ZNF804B: variants seen among roughly 807,000 people sequenced by gnomAD.
The protein encoded by ZNF804B is zinc finger protein 804B.
In ZNF804B, 80 loss-of-function variants were observed where a neutral mutation model predicts 101.4. The observed-to-expected ratio is 0.79, with a 90% confidence interval of 0.66 to 0.95. The LOEUF (loss-of-function observed/expected upper bound fraction) is 0.95. Among genes scored for constraint, ZNF804B ranks in the 40% least tolerant of loss-of-function variants. The pLI is 0.00. For missense variants in ZNF804B, 1,673 were observed against 1,561.9 expected (o/e 1.07, Z -1.20); for synonymous variants, 622 against 558.8 (o/e 1.11, Z -1.59).
intron 1 of ZNF804B, among the ~76,000 whole-genome samples, chr7:88,824,998 G>A (rs955802956): frequency 2.0e-5 from 3 of 152,038 alleles, no homozygotes; most frequent in African/African-American, 2.4e-5. Context: ...CTTTGAAAAC[G>A]GCCTTAGAAA....
At chr7:89,269,471 C>T (rs565500717) in intron 2 of ZNF804B, among the ~76,000 whole-genome samples, 8 of 152,158 alleles carry the variant, frequency 5.3e-5, no homozygotes, top group Non-Finnish European at 1.2e-4. Flanking sequence ...CATTGGTGGA[C>T]ATTTGGGTTA....
chr7:89,276,968 T>A (rs1208855), intron 2 of ZNF804B, among the ~76,000 whole-genome samples: 36,662 of 151,392 alleles, frequency 0.24, 4,806 homozygotes, highest in Non-Finnish European at 0.27. Flanking sequence ...TATATGTTTG[T>A]GTCTTTTGGG....
At chr7:88,766,204 G>T (rs992618403) in intron 1 of ZNF804B, among the ~76,000 whole-genome samples, 2 of 152,106 alleles carry the variant, frequency 1.3e-5, no homozygotes, top group Non-Finnish European at 2.9e-5. Flanking sequence ...TAGCCACTTG[G>T]AAGGCTGAGG....
chr7:88,773,587 C>T (rs1450116267), intron 1 of ZNF804B, among the ~76,000 whole-genome samples: 1 of 152,102 alleles, frequency 6.6e-6, no homozygotes, highest in Non-Finnish European at 1.5e-5. Flanking sequence ...GGATAAATGA[C>T]TGTATTAGGT....
intron 1 of ZNF804B, among the ~76,000 whole-genome samples, chr7:89,032,658 G>C (rs532044027): frequency 1.6e-4 from 25 of 152,098 alleles, no homozygotes; most frequent in African/African-American, 6.0e-4. Flanking sequence ...AAGGCACAGG[G>C]GCTTCACAAG....
intron 2 of ZNF804B, among the ~76,000 whole-genome samples, chr7:89,245,022 T>G (rs1216738249): frequency 6.6e-6 from 1 of 152,056 alleles, no homozygotes; most frequent in Non-Finnish European, 1.5e-5. Context: ...GTTAAAGTTC[T>G]AAGAAAAATA....
At chr7:88,946,044 A>C (rs916470263) in intron 1 of ZNF804B, among the ~76,000 whole-genome samples, 1 of 152,092 alleles carries the variant, frequency 6.6e-6, no homozygotes, top group Non-Finnish European at 1.5e-5. Flanking sequence ...AACAGAGACT[A>C]TTTGACTTCC....
intron 1 of ZNF804B, among the ~76,000 whole-genome samples, chr7:88,973,722 G>C (rs1793570519): frequency 6.6e-6 from 1 of 151,272 alleles, no homozygotes; most frequent in African/African-American, 2.4e-5. Context: ...ATGAGACCAT[G>C]ATAAAGCTCA....
At chr7:89,298,812 C>A (rs901457504) in intron 2 of ZNF804B, among the ~76,000 whole-genome samples, 2 of 151,680 alleles carry the variant, frequency 1.3e-5, no homozygotes, top group African/African-American at 4.8e-5. Flanking sequence ...TAAAACCTGG[C>A]AAAACCTTTT....
chr7:89,136,581 T>G (rs1212974121), intron 1 of ZNF804B, among the ~76,000 whole-genome samples: 2 of 152,146 alleles, frequency 1.3e-5, no homozygotes, highest in African/African-American at 4.8e-5. Flanking sequence ...AACTTGATGA[T>G]TCTAGGTGCT....
rs554572468 is a variant in ZNF804B, at chr7:88,849,614, C to T, written c.108+89530C>T. 1.8e-4 allele frequency among the ~76,000 whole-genome samples: 28 copies of T among 151,664 alleles called. No homozygotes were observed. The South Asian group carries it at 5.4e-3, about 29-fold the overall frequency. The stretch of plus-strand genomic sequence containing the variant: ...TCCTCAGTTCAAGTAATTCTTCTGC[C>T]TCAGACTCCCAAGTAACTGAGATCA... On this transcript the variant is annotated intron_variant, in intron 1 of 3. Coordinates refer to ENST00000333190, the MANE Select transcript of ZNF804B (RefSeq NM_181646.5).
intron 1 of ZNF804B, among the ~76,000 whole-genome samples, chr7:89,211,309 T>G (rs1788799944): frequency 6.6e-6 from 1 of 152,174 alleles, no homozygotes; most frequent in Non-Finnish European, 1.5e-5. Context: ...TTTTCTCTGA[T>G]GATAGTGGGT....
At chr7:89,128,387 CAATT>C (rs1790503735) in intron 1 of ZNF804B, among the ~76,000 whole-genome samples, 2 of 151,798 alleles carry the variant, frequency 1.3e-5, no homozygotes, top group Non-Finnish European at 2.9e-5. Flanking sequence ...GTATTGTACA[CAATT>C]AGTTATATAG....
At chr7:89,280,502 A>G (rs1790075096) in intron 2 of ZNF804B, among the ~76,000 whole-genome samples, 1 of 152,218 alleles carries the variant, frequency 6.6e-6, no homozygotes, top group Non-Finnish European at 1.5e-5. Flanking sequence ...CAAAATTGAT[A>G]GACCGCTAGC....
intron 1 of ZNF804B, among the ~76,000 whole-genome samples, chr7:88,864,538 A>G (rs1257863747): frequency 5.9e-5 from 9 of 152,074 alleles, no homozygotes; most frequent in Non-Finnish European, 1.3e-4. Context: ...TGGAAAATCC[A>G]CCCCTAGAGG....
chr7:89,204,314 A>G (rs1021772813), intron 1 of ZNF804B, among the ~76,000 whole-genome samples: 9 of 152,302 alleles, frequency 5.9e-5, no homozygotes, highest in Admixed American at 1.3e-4. Context: ...GATGAATGCA[A>G]TATGTCTATA....
intron 1 of ZNF804B, among the ~76,000 whole-genome samples, chr7:89,075,742 A>G (rs1789607753): frequency 6.6e-6 from 1 of 152,216 alleles, no homozygotes; most frequent in Non-Finnish European, 1.5e-5. Context: ...AGTTTGTACC[A>G]TGTGCCTGGA....
intron 1 of ZNF804B, among the ~76,000 whole-genome samples, chr7:88,954,985 C>T (rs958889278): frequency 2.7e-5 from 4 of 150,918 alleles, no homozygotes. Context: ...GATTTTTGGG[C>T]AGTTGCGGCT....
chr7:89,080,683 A>G (rs1048932720), intron 1 of ZNF804B, among the ~76,000 whole-genome samples: 5 of 151,998 alleles, frequency 3.3e-5, no homozygotes, highest in African/African-American at 1.2e-4. Flanking sequence ...TGGTGAACAT[A>G]GTGAACTATT....
Sources: gnomAD v4.1 joint callset for allele counts (sites outside exome capture counted in the v4.1 genomes callset) on GRCh38, gnomAD v4.1.1 for gene constraint, MANE v1.5 for transcripts, NCBI Gene and HGNC (gene_info 2026-07-23, HGNC 2026-07-21) for gene names.